The following CCDC178 variants were observed in gnomAD, a reference collection of about 807,000 sequenced individuals.
CCDC178 encodes coiled-coil domain containing 178.
In CCDC178, 126 loss-of-function variants were observed where a neutral mutation model predicts 117.4. The ratio of observed to expected loss-of-function variants is 1.07; its 90% CI spans 0.93 to 1.24. The LOEUF is 1.24. Among genes scored for constraint, CCDC178 ranks in the 50% most tolerant of loss-of-function variants. CCDC178 has a pLI of 0.00. For missense variants in CCDC178, 1,030 were observed against 986.9 expected (o/e 1.04, Z -0.59); for synonymous variants, 283 against 313.4 (o/e 0.90, Z 1.02).
At chr18:32,965,409 T>C (rs1323504637) in intron 22 of CCDC178, among the ~76,000 whole-genome samples, 2 of 152,032 alleles carry the variant, frequency 1.3e-5, no homozygotes, top group African/African-American at 4.8e-5. Flanking sequence ...CTTTTTACTA[T>C]TTCTTTGACA....
chr18:33,171,525 G>T (rs2058598845), intron 20 of CCDC178, among the ~76,000 whole-genome samples: 1 of 152,188 alleles, frequency 6.6e-6, no homozygotes, highest in Non-Finnish European at 1.5e-5. Flanking sequence ...TTCAAGAAGA[G>T]ATTTTATATT....
At chr18:33,133,785 A>G (rs1828381995) in intron 20 of CCDC178, among the ~76,000 whole-genome samples, 1 of 151,974 alleles carries the variant, frequency 6.6e-6, no homozygotes, top group African/African-American at 2.4e-5. Flanking sequence ...GCAAGGCTGT[A>G]TTCTTAGTTG....
At chr18:33,202,820 C>T (rs1361980107) in intron 20 of CCDC178, among the ~76,000 whole-genome samples, 1 of 152,196 alleles carries the variant, frequency 6.6e-6, no homozygotes, top group East Asian at 1.9e-4. Context: ...ACTGAGTCCT[C>T]ACAATATATT....
chr18:33,285,293 T>C (rs760227668), intron 12 of CCDC178, among the ~76,000 whole-genome samples: 1 of 152,076 alleles, frequency 6.6e-6, no homozygotes, highest in African/African-American at 2.4e-5. Flanking sequence ...AAGAAATACA[T>C]AGCCTGATAT....
intron 11 of CCDC178, among the ~76,000 whole-genome samples, chr18:33,298,698 G>A (rs912744760): frequency 4.6e-5 from 7 of 152,078 alleles, no homozygotes; most frequent in South Asian, 2.1e-4. Context: ...CTAATTGTCC[G>A]TCTTTGTAGA....
chr18:33,153,804 T>C (rs553445634), intron 20 of CCDC178, among the ~76,000 whole-genome samples: 41 of 151,866 alleles, frequency 2.7e-4, no homozygotes, highest in African/African-American at 9.6e-4. Context: ...AAAATATAAG[T>C]AAACAGAGAA....
At chr18:33,269,039 T>A (rs1223505799) in intron 12 of CCDC178, among the ~76,000 whole-genome samples, 1 of 151,818 alleles carries the variant, frequency 6.6e-6, no homozygotes, top group Non-Finnish European at 1.5e-5. Context: ...CAGGCTAGAA[T>A]GCATTCAAAG....
chr18:33,334,992 T>A (rs1203035656), intron 9 of CCDC178, among the ~76,000 whole-genome samples: 2 of 152,104 alleles, frequency 1.3e-5, no homozygotes, highest in East Asian at 3.8e-4. Context: ...TATATCCCTA[T>A]GTATTTTCAT....
chr18:33,368,864 G>C (rs2063257271), intron 6 of CCDC178, among the ~76,000 whole-genome samples: 1 of 151,744 alleles, frequency 6.6e-6, no homozygotes, highest in Non-Finnish European at 1.5e-5. Flanking sequence ...TAAAATACCT[G>C]TTTTAATTAT....
At chr18:33,422,491 A>T (rs543377350) in intron 2 of CCDC178, among the ~76,000 whole-genome samples, 2 of 152,298 alleles carry the variant, frequency 1.3e-5, no homozygotes, top group East Asian at 3.9e-4. Flanking sequence ...CAGCAGCAAC[A>T]TCCAATAGAA....
At chr18:33,068,121 G>A (rs1238877806) in intron 21 of CCDC178, among the ~76,000 whole-genome samples, 1 of 151,922 alleles carries the variant, frequency 6.6e-6, no homozygotes, top group African/African-American at 2.4e-5. Flanking sequence ...GAAACAGGAA[G>A]AAATAGAAAA....
rs1430174908 is a variant in CCDC178, at chr18:33,266,899, A to C, written c.1409+17T>G. 1 of 1,526,182 alleles carries C rather than the reference A, an allele frequency of 6.6e-7. No homozygotes were observed. The highest frequency in any genetic ancestry group is 1.4e-5 in the African/African-American group (1 of 71,658). 94.5% of individuals were successfully genotyped at this position (1,526,182 alleles called of 1,614,324 possible). A position where few individuals can be genotyped will look rare whatever the true frequency, so the allele number is the denominator to read the frequency against. Reference sequence around the variant, plus strand: ...TTGGATTATGGTATATAAGAAGAAAAGTATTTGCAAATTTACCTTTCATTG... The same window carrying C: ...TTGGATTATGGTATATAAGAAGAAACGTATTTGCAAATTTACCTTTCATTG... On this transcript the variant is annotated intron_variant, in intron 14 of 22. Transcript: ENST00000383096.
intron 20 of CCDC178, among the ~76,000 whole-genome samples, chr18:33,179,112 CTATATA>C (rs554694009): frequency 2.3e-5 from 1 of 43,514 alleles, no homozygotes. Flanking sequence ...TATATATAAA[CTATATA>C]TATATATATA....
chr18:32,973,128 A>G (rs2054962879), intron 22 of CCDC178, among the ~76,000 whole-genome samples: 1 of 152,146 alleles, frequency 6.6e-6, no homozygotes, highest in Non-Finnish European at 1.5e-5. Context: ...ATTCTCATAA[A>G]AATTAAAACA....
chr18:33,394,534 A>T (rs564880584), intron 4 of CCDC178, among the ~76,000 whole-genome samples: 1 of 152,066 alleles, frequency 6.6e-6, no homozygotes, highest in South Asian at 2.1e-4. Flanking sequence ...ACACTCAAAT[A>T]ACATATTACT....
At chr18:33,211,253 T>A (rs2059105443) in intron 20 of CCDC178, among the ~76,000 whole-genome samples, 1 of 151,924 alleles carries the variant, frequency 6.6e-6, no homozygotes, top group South Asian at 2.1e-4. Context: ...GTAATATTTT[T>A]AAATGTAATT....
At chr18:33,105,917 T>G (rs1032380734) in intron 20 of CCDC178, among the ~76,000 whole-genome samples, 7 of 151,610 alleles carry the variant, frequency 4.6e-5, no homozygotes, top group Admixed American at 1.3e-4. Context: ...TGACTGTAGT[T>G]GATTTTCAAA....
chr18:33,379,045 A>G (rs2063399891), intron 5 of CCDC178, among the ~76,000 whole-genome samples: 2 of 149,928 alleles, frequency 1.3e-5, no homozygotes, highest in Admixed American at 6.6e-5. Flanking sequence ...GCAACTCTAA[A>G]TTTTGTAAAT....
intron 12 of CCDC178, among the ~76,000 whole-genome samples, chr18:33,278,213 T>C (rs933017398): frequency 7.0e-6 from 1 of 143,088 alleles, no homozygotes; most frequent in African/African-American, 2.6e-5. Flanking sequence ...GACTTTCCAA[T>C]GATCCTAAAA....
Sources: allele counts gnomAD v4.1 joint callset (sites outside exome capture counted in the v4.1 genomes callset), GRCh38; gene constraint gnomAD v4.1.1; transcripts MANE v1.5; gene names NCBI Gene and HGNC (gene_info 2026-07-23, HGNC 2026-07-21).